Variants in SLC36A1 observed in about 807,000 individuals in gnomAD.
SLC36A1 encodes the protein solute carrier family 36 member 1.
SLC36A1 carries 30 observed loss-of-function variants against 47.5 expected under a neutral mutation model. The ratio of observed to expected loss-of-function variants is 0.63; its 90% CI spans 0.47 to 0.86. The LOEUF (loss-of-function observed/expected upper bound fraction) is 0.86. Ranked by LOEUF, SLC36A1 falls within the 40% of genes least tolerant of loss-of-function variation. The pLI is 0.00. For missense variants in SLC36A1, 517 were observed against 606.0 expected (o/e 0.85, Z 1.54); for synonymous variants, 255 against 249.7 (o/e 1.02, Z -0.20).
At chr5:151,353,527 G>A in the SLC36A1 span, among the ~76,000 whole-genome samples, 3 of 152,030 alleles carry the variant, frequency 2.0e-5, no homozygotes, top group African/African-American at 4.8e-5. Flanking sequence ...ATCCAGCAAC[G>A]GAGTGAGACA....
chr5:151,380,144 GAC>G, the SLC36A1 span, among the ~76,000 whole-genome samples: 1 of 152,050 alleles, frequency 6.6e-6, no homozygotes, highest in Non-Finnish European at 1.5e-5. Flanking sequence ...AAGACAAGAA[GAC>G]ACAGATTACC....
chr5:151,380,362 TGTGGGGCGAGGA>T, the SLC36A1 span: 3 of 326,396 alleles, frequency 9.2e-6, no homozygotes, highest in East Asian at 2.1e-4. Flanking sequence ...CGGCCACAGT[TGTGGGGCGAGGA>T]CCAGAGTGAG....
the SLC36A1 span, among the ~76,000 whole-genome samples, chr5:151,367,844 T>C: frequency 5.4e-4 from 82 of 152,348 alleles, no homozygotes; most frequent in African/African-American, 1.8e-3. Flanking sequence ...CAGTAGAACA[T>C]TTGAAAACAT....
chr5:151,458,332 A>ACAC (rs761564732), intron 1 of SLC36A1, among the ~76,000 whole-genome samples: 31 of 108,354 alleles, frequency 2.9e-4, no homozygotes, highest in African/African-American at 8.9e-4. Flanking sequence ...ATATATATAT[A>ACAC]TGGGATATTT....
At chr5:151,388,331 CT>C in the SLC36A1 span, among the ~76,000 whole-genome samples, 1 of 151,836 alleles carries the variant, frequency 6.6e-6, no homozygotes, top group Non-Finnish European at 1.5e-5. Flanking sequence ...GAAAAACCCC[CT>C]CTCTACTAAA....
At chr5:151,523,752 C>T in the SLC36A1 span, among the ~76,000 whole-genome samples, 2 of 152,164 alleles carry the variant, frequency 1.3e-5, no homozygotes, top group Non-Finnish European at 2.9e-5. Context: ...GCTGCCAACT[C>T]CAATTCCCAG....
chr5:151,431,677 CCTT>C, the SLC36A1 span, among the ~76,000 whole-genome samples: 23 of 152,196 alleles, frequency 1.5e-4, no homozygotes, highest in Non-Finnish European at 2.9e-4. Flanking sequence ...CCTGCACAAA[CCTT>C]CTTCTCTGCC....
the SLC36A1 span, among the ~76,000 whole-genome samples, chr5:151,527,615 G>A: frequency 6.6e-6 from 1 of 152,176 alleles, no homozygotes; most frequent in East Asian, 1.9e-4. Flanking sequence ...GAATTTATGT[G>A]AGGATAATGT....
chr5:151,462,516 C>T (rs183690211), intron 2 of SLC36A1, among the ~76,000 whole-genome samples: 7 of 152,104 alleles, frequency 4.6e-5, no homozygotes, highest in Admixed American at 2.0e-4. Flanking sequence ...AGGTGCCTGC[C>T]ACCACGCCCA....
the SLC36A1 span, chr5:151,382,083 G>A: frequency 1.2e-5 from 9 of 777,802 alleles, no homozygotes; most frequent in African/African-American, 1.0e-4. Flanking sequence ...AACCCCCAAA[G>A]AGAGCCTACT....
chr5:151,527,202 G>A, the SLC36A1 span: 1 of 1,565,404 alleles, frequency 6.4e-7, no homozygotes, highest in Non-Finnish European at 8.7e-7. Context: ...AAGGGAGGAA[G>A]GGCTCAGGGT....
chr5:151,537,008 T>C, the SLC36A1 span, among the ~76,000 whole-genome samples: 1 of 152,202 alleles, frequency 6.6e-6, no homozygotes, highest in African/African-American at 2.4e-5. Flanking sequence ...CCCCACTCTC[T>C]TACCCCTGGC....
At chr5:151,440,860 C>T (rs1752583324) in intron 1 of SLC36A1, among the ~76,000 whole-genome samples, 1 of 152,150 alleles carries the variant, frequency 6.6e-6, no homozygotes, top group African/African-American at 2.4e-5. Flanking sequence ...TACCACTCAG[C>T]AGAAATAAGT....
At chr5:151,350,600 TTC>T in the SLC36A1 span, among the ~76,000 whole-genome samples, 2 of 152,108 alleles carry the variant, frequency 1.3e-5, no homozygotes, top group Non-Finnish European at 2.9e-5. Context: ...AAATTCTCAT[TTC>T]TCTCCATTAA....
At chr5:151,447,951 G>C (rs1753071270) in intron 1 of SLC36A1, 138 bp downstream of exon 1, 1 of 152,266 alleles carries the variant, frequency 6.6e-6, no homozygotes, top group Admixed American at 6.5e-5. Flanking sequence ...TATCTCCCTT[G>C]ACCTCGTGGG....
the SLC36A1 span, among the ~76,000 whole-genome samples, chr5:151,534,135 T>C: frequency 6.8e-4 from 103 of 152,312 alleles, no homozygotes; most frequent in Non-Finnish European, 1.2e-3. Context: ...TGTGGTTAAA[T>C]GGCAGTATTG....
At chr5:151,507,739 A>G in the SLC36A1 span, 37 of 782,806 alleles carry the variant, frequency 4.7e-5, no homozygotes, top group African/African-American at 6.2e-4. Context: ...CACCCCCCAA[A>G]AAAGTAACTA....
At chr5:151,357,229 C>T in the SLC36A1 span, among the ~76,000 whole-genome samples, 1 of 152,226 alleles carries the variant, frequency 6.6e-6, no homozygotes, top group African/African-American at 2.4e-5. Flanking sequence ...ACTTAAGCCA[C>T]AGGCCCACAT....
In SLC36A1 at chr5:151,490,448, T is replaced by A. The variant is rs1446597387; in HGVS notation, c.*2194T>A. The A allele has an allele frequency of 6.6e-6, 1 of 152,368 alleles. No homozygotes were observed. Among genetic ancestry groups the A allele is most frequent in the African/African-American group, 2.4e-5 (1 of 41,466 alleles). The allele number at this position is 152,368 out of a possible 1,614,324, so 9.4% of individuals were successfully genotyped here. ...GCCCATGTCCTCCTTGGTGGACGTT[T>A]CTGTTTACTCAGAGCTGCTAGAGAC... On this transcript the variant is annotated 3_prime_UTR_variant, in exon 11 of 11. Transcript: ENST00000243389.
Sources: gnomAD v4.1 joint callset for allele counts (sites outside exome capture counted in the v4.1 genomes callset) on GRCh38, gnomAD v4.1.1 for gene constraint, MANE v1.5 for transcripts, NCBI Gene and HGNC (gene_info 2026-07-23, HGNC 2026-07-21) for gene names.